Variants in EYA4 observed in about 807,000 individuals in gnomAD.
EYA4 encodes the protein protein phosphatase EYA4.
Under a neutral mutation model 87.9 loss-of-function variants are expected in EYA4, and 31 were observed. The ratio of observed to expected loss-of-function variants is 0.35; its 90% CI spans 0.27 to 0.48. The LOEUF is 0.48. Ranked by LOEUF, EYA4 falls within the 20% of genes least tolerant of loss-of-function variation. The pLI is 0.99. For missense variants in EYA4, 678 were observed against 761.4 expected, an observed-to-expected ratio of 0.89 and a Z score of 1.29; for synonymous variants, 263 against 270.6, an observed-to-expected ratio of 0.97 and a Z score of 0.28.
chr6:133,476,221 A>C (rs781287518), intron 11 of EYA4, among the ~76,000 whole-genome samples: 6 of 152,134 alleles, frequency 3.9e-5, no homozygotes, highest in Admixed American at 1.3e-4. Flanking sequence ...GCTGATTAAC[A>C]TATGCATTAC....
intron 3 of EYA4, among the ~76,000 whole-genome samples, chr6:133,391,969 G>A (rs1464380520): frequency 6.6e-6 from 1 of 152,160 alleles, no homozygotes; most frequent in Non-Finnish European, 1.5e-5. Context: ...CAACTCAATG[G>A]CTATTCATTT....
intron 2 of EYA4, among the ~76,000 whole-genome samples, chr6:133,378,228 C>T (rs1785872228): frequency 6.6e-6 from 1 of 151,980 alleles, no homozygotes; most frequent in South Asian, 2.1e-4. Context: ...TGATGTGTGG[C>T]CTTAAGTTGT....
At chr6:133,518,342 A>G (rs1799782989) in intron 17 of EYA4, among the ~76,000 whole-genome samples, 1 of 152,160 alleles carries the variant, frequency 6.6e-6, no homozygotes, top group African/African-American at 2.4e-5. Context: ...GGGAGGAGAA[A>G]AAGAAATCAA....
Position 133,486,559 on chromosome 6 carries a change from C to A in EYA4, c.1191+3444C>A, listed in dbSNP as rs563051089. ...AAACCAAACAAAAAACAAAACAAAA[C>A]AAAAAAAAACACATTTCAGGTATTG... On this transcript the variant is annotated intron_variant, in intron 13 of 19. Coordinates refer to ENST00000355286, the MANE Select transcript of EYA4 (RefSeq NM_004100.5). Among the ~76,000 whole-genome samples the A allele has an allele frequency of 6.0e-4, 90 of 150,280 alleles. 1 individual carries two copies. Among genetic ancestry groups the A allele is most frequent in the Middle Eastern group, 6.9e-3 (2 of 290 alleles).
chr6:133,515,501 G>C, intron 17 of EYA4, 66 bp downstream of exon 17: 2 of 1,006,466 alleles, frequency 2.0e-6, no homozygotes, highest in Non-Finnish European at 3.2e-6. Flanking sequence ...GTACAACATA[G>C]AAAAAATGTT....
chr6:133,498,780 CA>C (rs1344257401), intron 13 of EYA4, among the ~76,000 whole-genome samples: 2 of 152,124 alleles, frequency 1.3e-5, no homozygotes, highest in Non-Finnish European at 2.9e-5. Context: ...AAATCAAAGA[CA>C]GTGACATATC....
intron 2 of EYA4, among the ~76,000 whole-genome samples, chr6:133,297,261 C>T (rs555742494): frequency 6.6e-6 from 1 of 151,282 alleles, no homozygotes; most frequent in South Asian, 2.1e-4. Context: ...TTCAGATTCA[C>T]TTTTGTCAGA....
At position 133,468,668 on chromosome 6, in the gene EYA4, A is replaced by G; in HGVS notation, c.907A>G (p.Thr303Ala). ...GACATCGAATAACACAGCCGATGGC[A>G]CACCCTCTTCAACCTCTACTTATCA... ...YMTSNNTADG[T>A]PSSTSTYQLQ... The change falls in exon 11 of 20, where the codon ACA becomes GCA. Residue 303 changes from threonine to alanine, a missense_variant. Coordinates refer to ENST00000355286, the MANE Select transcript of EYA4 (RefSeq NM_004100.5). 1 of 1,613,138 alleles carries G rather than the reference A, an allele frequency of 6.2e-7. No individual in the cohort carries two copies. The highest frequency in any genetic ancestry group is 8.5e-7 in the Non-Finnish European group (1 of 1,179,328).
At chr6:133,415,972 T>C (rs1190691209) in intron 3 of EYA4, among the ~76,000 whole-genome samples, 1 of 152,250 alleles carries the variant, frequency 6.6e-6, no homozygotes, top group Admixed American at 6.5e-5. Context: ...AAGCCTTTGC[T>C]AATCCCTTAA....
At chr6:133,401,991 A>G (rs2128516896) in intron 3 of EYA4, among the ~76,000 whole-genome samples, 1 of 152,320 alleles carries the variant, frequency 6.6e-6, no homozygotes, top group East Asian at 1.9e-4. Context: ...CATAACCATA[A>G]TGAATCAAGA....
chr6:133,263,148 A>G (rs558679147), intron 1 of EYA4, among the ~76,000 whole-genome samples: 1 of 152,356 alleles, frequency 6.6e-6, no homozygotes, highest in East Asian at 1.9e-4. Context: ...AGAATTGTAA[A>G]GCAATGCCCA....
chr6:133,506,079 C>T lies in EYA4; in HGVS notation c.1192-27C>T, dbSNP rs371349585. On this transcript the variant is annotated intron_variant, in intron 13 of 19. Transcript: ENST00000355286. The stretch of plus-strand genomic sequence containing the variant: ...TAATAAGCGCTTACTGAAATTTTAC[C>T]TCATTATGTGTACATTTTCTTTACA... 31 of 1,352,298 alleles carry T rather than the reference C, an allele frequency of 2.3e-5. No individual in the cohort carries two copies. The African/African-American group carries it at 4.0e-4, about 17-fold the overall frequency. The allele number at this position is 1,352,298 out of a possible 1,614,324, so 83.8% of individuals were successfully genotyped here.
chr6:133,393,520 G>A (rs750539892), intron 3 of EYA4, among the ~76,000 whole-genome samples: 1 of 152,124 alleles, frequency 6.6e-6, no homozygotes, highest in Non-Finnish European at 1.5e-5. Flanking sequence ...AGTGAGCCAA[G>A]CAGAGAGCTG....
At chr6:133,431,130 A>G (rs1028598034) in intron 3 of EYA4, among the ~76,000 whole-genome samples, 3 of 152,048 alleles carry the variant, frequency 2.0e-5, no homozygotes, top group Non-Finnish European at 2.9e-5. Context: ...GATGTAGGGA[A>G]TTGGGGCTCT....
chr6:133,287,909 C>T (rs753198298), intron 2 of EYA4, among the ~76,000 whole-genome samples: 10 of 151,924 alleles, frequency 6.6e-5, no homozygotes, highest in Non-Finnish European at 1.2e-4. Context: ...CCGAGGTGGG[C>T]GGATCACCTG....
chr6:133,501,322 A>C (rs1393250516), intron 13 of EYA4, among the ~76,000 whole-genome samples: 1 of 152,072 alleles, frequency 6.6e-6, no homozygotes. Context: ...TCCAGTAATA[A>C]TATAAACCAC....
chr6:133,278,441 A>G (rs1449813436), intron 2 of EYA4, among the ~76,000 whole-genome samples: 1 of 152,156 alleles, frequency 6.6e-6, no homozygotes, highest in East Asian at 1.9e-4. Context: ...AAACTACTTA[A>G]GAGTAATGGT....
At chr6:133,276,351 A>G (rs1314228412) in intron 2 of EYA4, among the ~76,000 whole-genome samples, 1 of 152,206 alleles carries the variant, frequency 6.6e-6, no homozygotes, top group Non-Finnish European at 1.5e-5. Context: ...AGTTTGGGGG[A>G]AAACCAGGAT....
At chr6:133,447,851 A>G (rs750782019) in intron 4 of EYA4, among the ~76,000 whole-genome samples, 2 of 152,254 alleles carry the variant, frequency 1.3e-5, no homozygotes, top group Non-Finnish European at 2.9e-5. Flanking sequence ...AGAGTAAGGT[A>G]CATTTAAACC....
Sources: gnomAD v4.1 joint callset for allele counts (sites outside exome capture counted in the v4.1 genomes callset) on GRCh38, gnomAD v4.1.1 for gene constraint, MANE v1.5 for transcripts, NCBI Gene and HGNC (gene_info 2026-07-23, HGNC 2026-07-21) for gene names.